Variants in WDR7 observed in about 807,000 individuals in gnomAD.
WDR7 encodes WD repeat-containing protein 7.
Under a neutral mutation model 169.4 loss-of-function variants are expected in WDR7, and 46 were observed. The observed-to-expected ratio is 0.27, with a 90% CI of 0.21 to 0.35. WDR7 has a LOEUF of 0.35. WDR7 is among the 10% of genes least tolerant of loss of function. The pLI, the probability that WDR7 is intolerant of heterozygous loss-of-function variation, is 1.00. For missense variants in WDR7, 1,534 were observed against 1,859.3 expected, an observed-to-expected ratio of 0.83 and a Z score of 3.22; for synonymous variants, 612 against 666.8, an observed-to-expected ratio of 0.92 and a Z score of 1.27.
At chr18:56,770,625 G>A in intron 16 of WDR7, among the ~76,000 whole-genome samples, 1 of 152,168 alleles carries the variant, frequency 6.6e-6, no homozygotes, top group East Asian at 1.9e-4. Context: ...GTGAAGTAGT[G>A]TGACTGTATT....
At chr18:56,656,894 A>T (rs2024788072) in intron 1 of WDR7, among the ~76,000 whole-genome samples, 1 of 152,192 alleles carries the variant, frequency 6.6e-6, no homozygotes. Context: ...TATGACTTTG[A>T]GTAAAATATT....
chr18:56,667,311 C>G (rs557084463), intron 1 of WDR7, among the ~76,000 whole-genome samples: 3 of 152,118 alleles, frequency 2.0e-5, no homozygotes, highest in Non-Finnish European at 4.4e-5. Context: ...CTAACTTTAG[C>G]TAAGCTTCTT....
At chr18:56,879,690 T>A (rs754502240) in intron 20 of WDR7, among the ~76,000 whole-genome samples, 8 of 152,184 alleles carry the variant, frequency 5.3e-5, no homozygotes, top group Admixed American at 4.6e-4. Context: ...TACACCTATG[T>A]TGCCTTCTTA....
chr18:57,035,739 TTAG>T, the WDR7 span: 1 of 152,210 alleles, frequency 6.6e-6, no homozygotes, highest in Non-Finnish European at 1.5e-5. Flanking sequence ...ATCATCATAA[TTAG>T]TAGCAAGTTT....
intron 14 of WDR7, among the ~76,000 whole-genome samples, chr18:56,739,099 C>T (rs1164587930): frequency 6.6e-6 from 1 of 151,946 alleles, no homozygotes; most frequent in African/African-American, 2.4e-5. Context: ...ATCCCTGCTA[C>T]TCTATCTCTG....
chr18:56,686,796 G>A, intron 6 of WDR7, 59 bp from the exon 7 acceptor site: 1 of 1,370,722 alleles, frequency 7.3e-7, no homozygotes, highest in Non-Finnish European at 1.0e-6. Context: ...TTATCATTGT[G>A]TGATAATTTT....
At chr18:57,030,190 A>C (rs180820655), downstream of WDR7, 3 of 152,338 alleles carry the variant, frequency 2.0e-5, no homozygotes, top group East Asian at 5.8e-4. Flanking sequence ...TGAATCCCTC[A>C]GGTAAAGGGT....
intron 20 of WDR7, among the ~76,000 whole-genome samples, chr18:56,825,020 G>A (rs1365448276): frequency 6.6e-6 from 1 of 152,162 alleles, no homozygotes; most frequent in Non-Finnish European, 1.5e-5. Flanking sequence ...TGCAGGTTTG[G>A]TAGACAGTGG....
At position 57,027,353 on chromosome 18, in the gene WDR7, C is replaced by A. The variant is rs1405030303; in HGVS notation, c.*146C>A. ...GCACGGCCGGGTCTTGTCACTTGTG[C>A]ATGCTTCTCAGGGGCAGAACCCGCT... On this transcript the variant is annotated 3_prime_UTR_variant, in exon 28 of 28. Coordinates refer to ENST00000254442, the MANE Select transcript of WDR7 (RefSeq NM_015285.3). The A allele has an allele frequency of 5.0e-6, 5 of 1,001,266 alleles. No individual in the cohort carries two copies. Among genetic ancestry groups the A allele is most frequent in the African/African-American group, 3.2e-5 (2 of 61,988 alleles). The allele number at this position is 1,001,266 out of a possible 1,614,324, so 62.0% of individuals were successfully genotyped here. A position where few individuals can be genotyped will look rare whatever the true frequency, so the allele number is the denominator to read the frequency against.
chr18:56,669,190 A>G (rs958828411), intron 1 of WDR7, among the ~76,000 whole-genome samples: 4 of 152,098 alleles, frequency 2.6e-5, no homozygotes, highest in African/African-American at 4.8e-5. Context: ...AATTATTTCT[A>G]TACAGAGCTG....
intron 20 of WDR7, among the ~76,000 whole-genome samples, chr18:56,819,392 A>C (rs758415220): frequency 3.3e-5 from 5 of 152,052 alleles, no homozygotes; most frequent in Admixed American, 6.6e-5. Context: ...TTCTTTCTCT[A>C]TCTCTCTTTT....
intron 20 of WDR7, among the ~76,000 whole-genome samples, chr18:56,817,607 G>GTAAGTTCATTGA (rs1568212465): frequency 1.3e-5 from 2 of 152,054 alleles, no homozygotes; most frequent in Non-Finnish European, 2.9e-5. Flanking sequence ...TTTTTAGTGT[G>GTAAGTTCATTGA]TAAGTTCATT....
intron 27 of WDR7, among the ~76,000 whole-genome samples, chr18:57,025,511 C>CT (rs1406298625): frequency 3.3e-4 from 50 of 152,188 alleles, no homozygotes; most frequent in Non-Finnish European, 2.5e-4. Context: ...AAGGAACTGC[C>CT]TGGCTGGAAA....
intron 12 of WDR7, chr18:56,699,699 C>G: frequency 2.8e-6 from 1 of 357,242 alleles, no homozygotes; most frequent in Non-Finnish European, 3.9e-6. Flanking sequence ...TTTCTCCTCT[C>G]TTTATAGTCA....
intron 21 of WDR7, among the ~76,000 whole-genome samples, chr18:56,907,001 T>C (rs1330046408): frequency 6.6e-6 from 1 of 152,206 alleles, no homozygotes; most frequent in African/African-American, 2.4e-5. Flanking sequence ...TTCATTAAGC[T>C]CATCAGGTGA....
chr18:56,654,590 A>T (rs2024727705), intron 1 of WDR7, among the ~76,000 whole-genome samples: 2 of 152,204 alleles, frequency 1.3e-5, no homozygotes, highest in Admixed American at 1.3e-4. Flanking sequence ...TTTAAGTATT[A>T]CAAGTGTATC....
intron 19 of WDR7, among the ~76,000 whole-genome samples, chr18:56,815,482 G>T (rs905755178): frequency 1.3e-5 from 2 of 152,180 alleles, no homozygotes; most frequent in African/African-American, 2.4e-5. Flanking sequence ...TCTGCTTTCA[G>T]TTAATTTCTT....
At chr18:56,811,845 A>G (rs916549444) in intron 19 of WDR7, among the ~76,000 whole-genome samples, 22 of 152,150 alleles carry the variant, frequency 1.4e-4, no homozygotes, top group African/African-American at 5.3e-4. Flanking sequence ...AATGTTTATT[A>G]CTTTGCCAAA....
Position 56,672,708 on chromosome 18 carries a change from A to G in WDR7, c.159+34A>G, listed in dbSNP as rs1250511582. 5.9e-6 allele frequency: 9 copies of G among 1,536,874 alleles called. No individual in the cohort carries two copies. In the East Asian group the frequency reaches 1.7e-4, roughly 29 times the overall value. ...GTGAAATGCCTATTATACATTTTAG[A>G]TATAAAAATCTACTTATTAGAAGAT... On this transcript the variant is annotated intron_variant, in intron 2 of 27. Coordinates refer to ENST00000254442, the MANE Select transcript of WDR7 (RefSeq NM_015285.3).
Sources: allele counts gnomAD v4.1 joint callset (sites outside exome capture counted in the v4.1 genomes callset), GRCh38; gene constraint gnomAD v4.1.1; transcripts MANE v1.5; gene names NCBI Gene and HGNC (gene_info 2026-07-23, HGNC 2026-07-21).